Variants in FLT4 observed in about 807,000 individuals in gnomAD.
FLT4 encodes the protein fms related receptor tyrosine kinase 4.
A neutral mutation model predicts 163.2 loss-of-function variants in FLT4; 30 were observed. The ratio of observed to expected loss-of-function variants is 0.18; its 90% CI spans 0.14 to 0.25. The LOEUF (loss-of-function observed/expected upper bound fraction) is 0.25. Among genes scored for constraint, FLT4 ranks in the 10% least tolerant of loss-of-function variants. The pLI is 1.00. For missense variants in FLT4, 1,510 were observed against 1,863.8 expected (o/e 0.81, Z 3.50); for synonymous variants, 884 against 789.5 (o/e 1.12, Z -2.01).
At chr5:180,611,982 A>G (rs1361974405) in intron 26 of FLT4, among the ~76,000 whole-genome samples, 5 of 152,118 alleles carry the variant, frequency 3.3e-5, no homozygotes, top group Non-Finnish European at 7.4e-5. Context: ...CTAGACCCGC[A>G]GCACCCATCC....
At position 180,619,313 on chromosome 5, in the gene FLT4, T is replaced by C. The variant is rs1445283130; in HGVS notation, c.2701A>G (p.Ile901Val). Residue 901 changes from isoleucine (I) to valine (V), a missense_variant, in exon 19 of 30, where the codon ATT becomes GTT. Physicochemically the swap from Ile to Val is conservative, Grantham distance 29. Transcript: ENST00000261937. Reference sequence around the variant, plus strand: ...ACGTTGAGGTGGTTGCCGATGTGAATGAGGATCTTGAGCTCCGACATCAGC... The same window carrying C: ...ACGTTGAGGTGGTTGCCGATGTGAACGAGGATCTTGAGCTCCGACATCAGC... ...RALMSELKIL[I>V]HIGNHLNVVN... The C allele has an allele frequency of 3.1e-6, 5 of 1,611,320 alleles. No individual in the cohort carries two copies. The East Asian group carries it at 6.7e-5, about 22-fold the overall frequency.
rs540558678 is a variant in FLT4 at position 180,624,039 on chromosome 5, G to C, written c.1444C>G (p.Leu482Val). 3 of 1,613,046 alleles carry C rather than the reference G, an allele frequency of 1.9e-6. No individual in the cohort carries two copies. The highest frequency in any genetic ancestry group is 2.2e-5 in the South Asian group (2 of 91,084). ...RSLRRRQQQD[L>V]MPQCRDWRAV... ...CTCCAGTCACGGCACTGTGGCATGAGGTCTTGCTGCTGCCGCCGCCGGCTG... is the reference window on the plus strand; with the variant it reads ...CTCCAGTCACGGCACTGTGGCATGACGTCTTGCTGCTGCCGCCGCCGGCTG... Residue 482 changes from leucine to valine, a missense_variant, in exon 11 of 30, where the codon CTC becomes GTC. Around this residue, in one of 5 missense-constraint regions of FLT4, gnomAD observed 878 missense variants for 1,016.7 expected, o/e 0.86. Transcript: ENST00000261937.
intron 8 of FLT4, 116 bp from the exon 9 acceptor site, chr5:180,626,381 G>T: frequency 8.7e-7 from 1 of 1,147,932 alleles, no homozygotes; most frequent in Non-Finnish European, 1.3e-6. Flanking sequence ...GGAGTGCAGG[G>T]TAGGACGGGG....
At chr5:180,612,868 C>T in intron 25 of FLT4, 143 bp downstream of exon 25, 3 of 706,244 alleles carry the variant, frequency 4.2e-6, no homozygotes, top group South Asian at 3.3e-5. Flanking sequence ...AGCTGTGCTA[C>T]AGACTACCCG....
intron 29 of FLT4, chr5:180,608,089 C>A (rs1761900172): frequency 5.7e-6 from 4 of 700,420 alleles, no homozygotes; most frequent in East Asian, 5.4e-5. Context: ...GGAGGCCTAA[C>A]CCCTCCCTGT....
At chr5:180,642,002 A>T (rs938559144) in intron 1 of FLT4, among the ~76,000 whole-genome samples, 8 of 151,962 alleles carry the variant, frequency 5.3e-5, no homozygotes, top group Non-Finnish European at 8.8e-5. Flanking sequence ...AGGTCAAGAG[A>T]TTGAGACCAT....
Position 180,628,960 on chromosome 5 carries a change from A to G in FLT4, c.1025T>C (p.Ile342Thr). ...FISVEWLKGP[I>T]LEATAGDELV... ...CTCGTCTCCTGCCGTGGCCTCCAGGATGGGTCCTTTGAGCCACTCGACGCT... is the reference window on the plus strand; with the variant it reads ...CTCGTCTCCTGCCGTGGCCTCCAGGGTGGGTCCTTTGAGCCACTCGACGCT... The change falls in exon 8 of 30, where the codon ATC becomes ACC. Residue 342 changes from isoleucine (I) to threonine (T), a missense_variant. Ile to Thr is a moderately conservative substitution (Grantham distance 89). Coordinates refer to ENST00000261937, the MANE Select transcript of FLT4 (RefSeq NM_182925.5). The G allele has an allele frequency of 6.2e-7, 1 of 1,612,728 alleles. No individual in the cohort carries two copies. The highest frequency in any genetic ancestry group is 8.5e-7 in the Non-Finnish European group (1 of 1,179,950).
chr5:180,622,933 C>CG (rs952215660), intron 11 of FLT4, 94 bp from the exon 12 acceptor site: 2 of 791,848 alleles, frequency 2.5e-6, no homozygotes, highest in Admixed American at 2.0e-5. Flanking sequence ...GCACCACCCC[C>CG]CCCAATCATG....
intron 1 of FLT4, among the ~76,000 whole-genome samples, chr5:180,646,651 G>T (rs891442493): frequency 2.0e-5 from 3 of 152,138 alleles, no homozygotes; most frequent in Non-Finnish European, 4.4e-5. Flanking sequence ...ACGTCTGATG[G>T]CATGTCTGTG....
At chr5:180,649,165 C>T (rs1440174716) in intron 1 of FLT4, among the ~76,000 whole-genome samples, 1 of 151,836 alleles carries the variant, frequency 6.6e-6, no homozygotes, top group African/African-American at 2.4e-5. Context: ...GATCCGGGCT[C>T]AGCGCGCAGC....
chr5:180,621,032 G>A (rs756240844), intron 14 of FLT4, 25 bp from the exon 15 acceptor site: 1 of 1,611,038 alleles, frequency 6.2e-7, no homozygotes, highest in Non-Finnish European at 8.5e-7. Context: ...GTGGAGGTGC[G>A]GGTCCACCTG....
intron 29 of FLT4, among the ~76,000 whole-genome samples, chr5:180,607,177 G>C (rs28608505): frequency 0.3 from 45,459 of 152,078 alleles, 6,996 homozygotes; most frequent in Middle Eastern, 0.37. Flanking sequence ...ATTCAAAATG[G>C]CCAAAACTGT....
intron 8 of FLT4, among the ~76,000 whole-genome samples, chr5:180,627,630 G>A (rs905136304): frequency 6.6e-6 from 1 of 152,230 alleles, no homozygotes; most frequent in African/African-American, 2.4e-5. Context: ...CAGGAAGGGT[G>A]GGTGGCTGCC....
chr5:180,612,462 A>G (rs2127793735), intron 26 of FLT4, 44 bp downstream of exon 26: 1 of 1,423,536 alleles, frequency 7.0e-7, no homozygotes, highest in Non-Finnish European at 9.9e-7. Context: ...GACCCAGGGC[A>G]GGGGCCAAAG....
chr5:180,616,857 A>C, intron 22 of FLT4, 43 bp downstream of exon 22: 1 of 1,473,402 alleles, frequency 6.8e-7, no homozygotes, highest in Non-Finnish European at 9.5e-7. Flanking sequence ...ACTGGTGGGG[A>C]TGCACCCTTT....
At chr5:180,614,889 C>T (rs1376340291) in intron 23 of FLT4, among the ~76,000 whole-genome samples, 1 of 152,128 alleles carries the variant, frequency 6.6e-6, no homozygotes, top group African/African-American at 2.4e-5. Context: ...CTTTCTCCCC[C>T]AGGCGCGGAA....
intron 29 of FLT4, among the ~76,000 whole-genome samples, chr5:180,605,344 C>T (rs1422814499): frequency 2.6e-5 from 4 of 152,178 alleles, no homozygotes; most frequent in Admixed American, 2.0e-4. Context: ...CATTTCTATC[C>T]TGAAATTTTG....
At chr5:180,640,288 G>A (rs1341700289) in intron 1 of FLT4, among the ~76,000 whole-genome samples, 2 of 152,224 alleles carry the variant, frequency 1.3e-5, no homozygotes, top group East Asian at 1.9e-4. Flanking sequence ...CCAGGTCAGC[G>A]AGTGAGGAAA....
At chr5:180,615,590 T>C (rs191642840) in intron 23 of FLT4, among the ~76,000 whole-genome samples, 532 of 4,280 alleles carry the variant, frequency 0.12, 19 homozygotes, top group Admixed American at 0.18. Flanking sequence ...GAGCACTGGG[T>C]CCCGCTGGTC....
Sources: gnomAD v4.1 joint callset for allele counts (sites outside exome capture counted in the v4.1 genomes callset) on GRCh38, gnomAD v4.1.1 for gene constraint, gnomAD v4.1.1 regional missense constraint, MANE v1.5 for transcripts, NCBI Gene and HGNC (gene_info 2026-07-23, HGNC 2026-07-21) for gene names.